The following DIAPH1 variants were observed in gnomAD, a reference collection of about 807,000 sequenced individuals.
DIAPH1 encodes protein diaphanous homolog 1.
DIAPH1 carries 46 observed loss-of-function variants against 140.7 expected under a neutral mutation model. The ratio of observed to expected loss-of-function variants is 0.33; its 90% CI spans 0.26 to 0.42. DIAPH1 has a LOEUF of 0.42. DIAPH1 is among the 10% of genes least tolerant of loss of function. DIAPH1 has a pLI of 1.00. For missense variants in DIAPH1, 1,310 were observed against 1,558.7 expected (o/e 0.84, Z 2.69); for synonymous variants, 565 against 551.6 (o/e 1.02, Z -0.34).
intron 7 of DIAPH1, 29 bp from the exon 8 acceptor site, chr5:141,580,912 G>A: frequency 1.2e-6 from 2 of 1,614,064 alleles, no homozygotes; most frequent in South Asian, 2.2e-5. Flanking sequence ...AAGAAAGGAG[G>A]CTGAAAGACG....
Position 141,578,556 on chromosome 5 carries a change from T to G in DIAPH1, c.1003A>C (p.Arg335=). ...AGCCCCAAACGCATCAGTTCACTTC[T>G]GATGTGAACTCGGAAGTCAAGTTCC... is the stretch of plus-strand genomic sequence containing the variant. ...AEELDFRVHI[R]SELMRLGLHQ... is the part of the protein sequence containing the mutation. The change falls in exon 10 of 28, where the codon AGA becomes CGA. Residue 335 remains arginine, a synonymous_variant. Coordinates refer to ENST00000389054, the MANE Select transcript of DIAPH1 (RefSeq NM_005219.5). The G allele has an allele frequency of 6.2e-7, 1 of 1,613,928 alleles. No individual in the cohort carries two copies. Among genetic ancestry groups the G allele is most frequent in the Non-Finnish European group, 8.5e-7 (1 of 1,179,912 alleles).
intron 1 of DIAPH1, among the ~76,000 whole-genome samples, chr5:141,617,197 C>CG (rs1348561780): frequency 2.0e-5 from 3 of 149,196 alleles, no homozygotes; most frequent in African/African-American, 5.0e-5. Context: ...GGAAAGCTAA[C>CG]GGGGGGGAGG....
intron 18 of DIAPH1, among the ~76,000 whole-genome samples, chr5:141,570,427 AG>A (rs1483848888): frequency 6.6e-6 from 1 of 152,146 alleles, no homozygotes; most frequent in African/African-American, 2.4e-5. Flanking sequence ...ATTTTCTTAG[AG>A]GAAAAGGCCA....
intron 1 of DIAPH1, among the ~76,000 whole-genome samples, chr5:141,604,488 A>G (rs1348962710): frequency 6.6e-6 from 1 of 152,148 alleles, no homozygotes; most frequent in African/African-American, 2.4e-5. Context: ...CTGTTTCCCA[A>G]TCGCCGTAGC....
At chr5:141,551,927 A>G (rs1163872379) in intron 18 of DIAPH1, among the ~76,000 whole-genome samples, 2 of 152,330 alleles carry the variant, frequency 1.3e-5, no homozygotes, top group African/African-American at 4.8e-5. Context: ...ACAAATTTCT[A>G]AAGACTGAAA....
intron 1 of DIAPH1, among the ~76,000 whole-genome samples, chr5:141,601,798 A>T (rs998180991): frequency 1.3e-5 from 2 of 152,230 alleles, no homozygotes; most frequent in African/African-American, 2.4e-5. Context: ...GAGAAAAGTA[A>T]GGAAAAGTTT....
intron 18 of DIAPH1, among the ~76,000 whole-genome samples, chr5:141,554,085 C>T (rs904280144): frequency 2.0e-5 from 3 of 152,124 alleles, no homozygotes; most frequent in African/African-American, 4.8e-5. Context: ...TTGAGATCAG[C>T]CTCACCAACA....
chr5:141,570,151 G>A (rs1197849021), intron 18 of DIAPH1, among the ~76,000 whole-genome samples: 3 of 151,390 alleles, frequency 2.0e-5, no homozygotes, highest in Non-Finnish European at 4.4e-5. Flanking sequence ...AAAAGATGGG[G>A]ATGGGGGTGG....
chr5:141,537,097 G>A (rs1467552978), intron 18 of DIAPH1, among the ~76,000 whole-genome samples: 1 of 152,052 alleles, frequency 6.6e-6, no homozygotes, highest in East Asian at 1.9e-4. Context: ...GAGCCCAGGA[G>A]GTTGAGGCTG....
chr5:141,603,518 A>C (rs1177689922), intron 1 of DIAPH1, among the ~76,000 whole-genome samples: 1 of 151,824 alleles, frequency 6.6e-6, no homozygotes, highest in African/African-American at 2.4e-5. Flanking sequence ...TCCTAACCCC[A>C]CCCGGGAACA....
chr5:141,578,272 A>G lies in DIAPH1; in HGVS notation c.1116T>C (p.Asp372=), dbSNP rs763746608. Residue 372 remains aspartate, a synonymous_variant, in exon 11 of 28, where the codon GAT becomes GAC. Transcript: ENST00000389054. The stretch of plus-strand genomic sequence containing the variant: ...CCAGCCGTCCCTTCAGGTCATAGGA[A>G]TCCTCTTCCCCTTGTTCATCAAACA... ...LNVFDEQGEE[D]SYDLKGRLDD... The G allele has an allele frequency of 9.9e-6, 16 of 1,613,978 alleles. No individual in the cohort carries two copies. The Admixed American group carries it at 2.5e-4, about 25-fold the overall frequency.
At chr5:141,518,152 T>A (rs1288632675) in intron 27 of DIAPH1, among the ~76,000 whole-genome samples, 1 of 152,148 alleles carries the variant, frequency 6.6e-6, no homozygotes, top group Non-Finnish European at 1.5e-5. Context: ...GGAGAATCAG[T>A]AGTGACTGCT....
At chr5:141,575,241 C>CCTGG (rs1296433498) in intron 14 of DIAPH1, 95 bp from the exon 15 acceptor site, 5 of 1,327,980 alleles carry the variant, frequency 3.8e-6, no homozygotes, top group Non-Finnish European at 5.4e-6. Flanking sequence ...TCCTCTTTTG[C>CCTGG]CTGGGGGTGC....
chr5:141,553,931 TC>T (rs2099892149), intron 18 of DIAPH1, among the ~76,000 whole-genome samples: 2 of 151,950 alleles, frequency 1.3e-5, no homozygotes, highest in Non-Finnish European at 2.9e-5. Flanking sequence ...GTAACTAACA[TC>T]AGGAACAAAA....
rs766106223 is a variant in DIAPH1, at chr5:141,526,321, A to T, written c.3414T>A (p.Leu1138=). The change falls in exon 25 of 28, where the codon CTT becomes CTA. Residue 1138 remains leucine, a synonymous_variant. Transcript: ENST00000389054. ...KLSVEEFFMD[L]HNFRNMFLQA... Reference sequence around the variant, plus strand: ...CCAAAAACATATTCCGAAAATTGTGAAGATCCATGAAAAATTCTTCAACAG... The same window carrying T: ...CCAAAAACATATTCCGAAAATTGTGTAGATCCATGAAAAATTCTTCAACAG... The T allele has an allele frequency of 2.4e-5, 38 of 1,614,092 alleles. 1 individual carries two copies. In the South Asian group the frequency reaches 4.0e-4, roughly 17 times the overall value.
chr5:141,528,380 C>A, intron 23 of DIAPH1, 73 bp downstream of exon 23: 1 of 1,604,424 alleles, frequency 6.2e-7, no homozygotes, highest in Non-Finnish European at 8.5e-7. Context: ...AATGCTCTCA[C>A]ATCTAGACTG....
intron 1 of DIAPH1, among the ~76,000 whole-genome samples, chr5:141,614,016 C>A (rs1314638360): frequency 6.6e-6 from 1 of 152,140 alleles, no homozygotes; most frequent in Non-Finnish European, 1.5e-5. Context: ...TCTCACCTAA[C>A]CCCAAGGAGG....
intron 24 of DIAPH1, 129 bp from the exon 25 acceptor site, chr5:141,526,590 A>G (rs2099887365): frequency 7.2e-6 from 8 of 1,105,270 alleles, no homozygotes; most frequent in Non-Finnish European, 1.1e-5. Context: ...TTATAACAGC[A>G]AAAACCAAAG....
At chr5:141,615,443 A>G (rs1481628616) in intron 1 of DIAPH1, among the ~76,000 whole-genome samples, 2 of 134,450 alleles carry the variant, frequency 1.5e-5, no homozygotes, top group African/African-American at 2.8e-5. Flanking sequence ...AAAAGAAAAA[A>G]AAAAAAAAAA....
Sources: allele counts gnomAD v4.1 joint callset (sites outside exome capture counted in the v4.1 genomes callset), GRCh38; gene constraint gnomAD v4.1.1; transcripts MANE v1.5; gene names NCBI Gene and HGNC (gene_info 2026-07-23, HGNC 2026-07-21).